The following TBCEL variants were observed in gnomAD, a reference collection of about 807,000 sequenced individuals.
TBCEL encodes tubulin-specific chaperone cofactor E-like protein.
A neutral mutation model predicts 44.2 loss-of-function variants in TBCEL; 15 were observed. The observed-to-expected ratio is 0.34, with a 90% CI of 0.23 to 0.52. TBCEL has a LOEUF of 0.52. Among genes scored for constraint, TBCEL ranks in the 20% least tolerant of loss-of-function variants. The pLI, the probability that TBCEL is intolerant of heterozygous loss-of-function variation, is 0.95. For missense variants in TBCEL, 319 were observed against 506.3 expected (o/e 0.63, Z 3.55); for synonymous variants, 171 against 185.4 (o/e 0.92, Z 0.63).
At chr11:121,054,764 G>T (rs1945590163) in intron 5 of TBCEL, 1 of 243,686 alleles carries the variant, frequency 4.1e-6, no homozygotes. Context: ...TATGTGAATG[G>T]CTATTATACT....
chr11:121,025,623 A>G (rs898213481), intron 1 of TBCEL, among the ~76,000 whole-genome samples: 2 of 152,190 alleles, frequency 1.3e-5, no homozygotes, highest in East Asian at 3.9e-4. Flanking sequence ...TTGCAGTTTG[A>G]AAAACACTGT....
Position 121,057,279 on chromosome 11 carries a change from A to G in TBCEL, c.713-1066A>G, listed in dbSNP as rs769749223. 5.3e-5 allele frequency among the ~76,000 whole-genome samples: 8 copies of G among 151,828 alleles called. 1 individual carries two copies. The highest frequency in any genetic ancestry group is 1.0e-4 in the Non-Finnish European group (7 of 67,820). On this transcript the variant is annotated intron_variant, in intron 6 of 8. Coordinates refer to ENST00000683345, the MANE Select transcript of TBCEL (RefSeq NM_001363644.2). ...AAATAGGATGGGACTATGTTGTTCTATGAAATAGACTTGATGATGCATTGT... is the reference window on the plus strand; with the variant it reads ...AAATAGGATGGGACTATGTTGTTCTGTGAAATAGACTTGATGATGCATTGT...
At chr11:121,039,256 A>G (rs1945288923) in intron 2 of TBCEL, among the ~76,000 whole-genome samples, 1 of 152,222 alleles carries the variant, frequency 6.6e-6, no homozygotes, top group Non-Finnish European at 1.5e-5. Flanking sequence ...TGTACCTGGA[A>G]TGCCATTCCC....
In TBCEL at chr11:121,039,232, G is replaced by A. The variant is rs1235599120; in HGVS notation, c.-18+2620G>A. Among the ~76,000 whole-genome samples, 3 of 152,168 alleles carry A rather than the reference G, an allele frequency of 2.0e-5. No individual in the cohort carries two copies. In the East Asian group the frequency reaches 5.8e-4, roughly 29 times the overall value. On this transcript the variant is annotated intron_variant, in intron 2 of 8. Coordinates refer to ENST00000683345, the MANE Select transcript of TBCEL (RefSeq NM_001363644.2). ...TTTCTAGTCTCTTGTGTTTGTTCAT[G>A]TGCTGTTGTTTCCTGTACCTGGAAT...
intron 3 of TBCEL, among the ~76,000 whole-genome samples, chr11:121,046,200 T>C (rs1180851610): frequency 2.0e-5 from 3 of 152,104 alleles, no homozygotes; most frequent in African/African-American, 2.4e-5. Flanking sequence ...CAATTTATGT[T>C]GAGCCAAATG....
intron 8 of TBCEL, among the ~76,000 whole-genome samples, chr11:121,073,988 AT>A (rs1408319929): frequency 6.6e-6 from 1 of 151,984 alleles, no homozygotes; most frequent in Non-Finnish European, 1.5e-5. Context: ...CTATTTTGAT[AT>A]GTAAAATTGG....
intron 8 of TBCEL, among the ~76,000 whole-genome samples, chr11:121,084,462 C>T (rs184526309): frequency 7.9e-5 from 12 of 152,116 alleles, no homozygotes; most frequent in Admixed American, 6.5e-4. Flanking sequence ...TGAGTTCTGC[C>T]TCTGTCTTTT....
intron 2 of TBCEL, among the ~76,000 whole-genome samples, chr11:121,045,004 C>A: frequency 6.6e-6 from 1 of 152,124 alleles, no homozygotes; most frequent in Non-Finnish European, 1.5e-5. Flanking sequence ...AGAGCCCTTT[C>A]AGCAATTCGT....
chr11:121,057,701 T>C (rs190286610), intron 6 of TBCEL: 1 of 435,356 alleles, frequency 2.3e-6, no homozygotes, highest in Admixed American at 2.5e-5. Flanking sequence ...TTACATTGTA[T>C]TAGCTATTAA....
At chr11:121,075,608 C>T (rs1484559046) in intron 8 of TBCEL, among the ~76,000 whole-genome samples, 1 of 151,938 alleles carries the variant, frequency 6.6e-6, no homozygotes, top group East Asian at 1.9e-4. Context: ...TCTTCCAGTG[C>T]ATGAATACAG....
intron 2 of TBCEL, among the ~76,000 whole-genome samples, chr11:121,040,105 A>G (rs948045146): frequency 6.6e-6 from 1 of 152,124 alleles, no homozygotes; most frequent in Non-Finnish European, 1.5e-5. Context: ...CCAACTATCT[A>G]CTATTGTAGT....
At chr11:121,073,784 A>G (rs2134997723) in intron 8 of TBCEL, among the ~76,000 whole-genome samples, 1 of 152,026 alleles carries the variant, frequency 6.6e-6, no homozygotes, top group South Asian at 2.1e-4. Context: ...TATTACGAGT[A>G]GACATTGAAT....
intron 8 of TBCEL, among the ~76,000 whole-genome samples, chr11:121,073,867 G>A (rs991467482): frequency 2.6e-5 from 4 of 151,864 alleles, no homozygotes; most frequent in Non-Finnish European, 5.9e-5. Flanking sequence ...ACATTTTCAG[G>A]TATTGAACCA....
chr11:121,031,970 G>T (rs772511595), intron 1 of TBCEL, among the ~76,000 whole-genome samples: 1 of 151,812 alleles, frequency 6.6e-6, no homozygotes, highest in Non-Finnish European at 1.5e-5. Flanking sequence ...GTTTTCATTT[G>T]GCTGCTTAAC....
chr11:121,077,869 A>G (rs912223577), intron 8 of TBCEL, among the ~76,000 whole-genome samples: 3 of 151,972 alleles, frequency 2.0e-5, no homozygotes, highest in Non-Finnish European at 2.9e-5. Context: ...TCATTGGGTT[A>G]TTTACAAGTA....
chr11:121,066,145 C>T (rs533894328), intron 8 of TBCEL, among the ~76,000 whole-genome samples: 4 of 152,206 alleles, frequency 2.6e-5, no homozygotes, highest in East Asian at 1.9e-4. Context: ...TTCTGTATCT[C>T]GCTATACAAA....
intron 1 of TBCEL, among the ~76,000 whole-genome samples, chr11:121,030,128 A>C (rs1238797229): frequency 6.6e-6 from 1 of 152,228 alleles, no homozygotes; most frequent in Non-Finnish European, 1.5e-5. Context: ...AGACTTAAAC[A>C]CTGAGATGAA....
At chr11:121,060,740 G>T (rs914830092) in intron 8 of TBCEL, among the ~76,000 whole-genome samples, 5 of 151,754 alleles carry the variant, frequency 3.3e-5, no homozygotes, top group African/African-American at 1.2e-4. Context: ...CCCAAAACAG[G>T]TTTCTGGGTA....
chr11:121,055,856 T>C (rs1045438640), intron 6 of TBCEL, among the ~76,000 whole-genome samples: 2 of 150,402 alleles, frequency 1.3e-5, no homozygotes, highest in African/African-American at 5.0e-5. Flanking sequence ...AGTTTTCATA[T>C]ACCCCTTGTT....
Sources: gnomAD v4.1 joint callset for allele counts (sites outside exome capture counted in the v4.1 genomes callset) on GRCh38, gnomAD v4.1.1 for gene constraint, MANE v1.5 for transcripts, NCBI Gene and HGNC (gene_info 2026-07-23, HGNC 2026-07-21) for gene names.